Variants in STAU2 observed in about 807,000 individuals in gnomAD.
STAU2 encodes double-stranded RNA-binding protein Staufen homolog 2.
Under a neutral mutation model 65.9 loss-of-function variants are expected in STAU2, and 20 were observed. The observed-to-expected ratio is 0.30, with a 90% confidence interval of 0.21 to 0.44. The LOEUF (loss-of-function observed/expected upper bound fraction) is 0.44, where lower values mean the gene tolerates loss of function less well. STAU2 is among the 20% of genes least tolerant of loss of function. The probability of loss-of-function intolerance (pLI) is 1.00; values close to 1 mark genes in which losing one functional copy is unlikely to be tolerated. For missense variants in STAU2, 558 were observed against 683.9 expected (o/e 0.82, Z 2.05); for synonymous variants, 232 against 233.9 (o/e 0.99, Z 0.07).
intron 13 of STAU2, among the ~76,000 whole-genome samples, chr8:73,471,817 T>TAAAAA (rs569600617): frequency 0.065 from 5,656 of 86,610 alleles, 513 homozygotes; most frequent in African/African-American, 0.18. Flanking sequence ...AGACTCCAAC[T>TAAAAA]AAAAAAAAAA....
chr8:73,659,005 C>T (rs554072178), intron 6 of STAU2, among the ~76,000 whole-genome samples: 5 of 150,416 alleles, frequency 3.3e-5, no homozygotes, highest in Admixed American at 2.6e-4. Context: ...TAAAACTTCA[C>T]AAAACCTTCA....
At chr8:73,480,013 C>T (rs909702472) in intron 13 of STAU2, among the ~76,000 whole-genome samples, 1 of 151,956 alleles carries the variant, frequency 6.6e-6, no homozygotes, top group Admixed American at 6.6e-5. Flanking sequence ...TAGATGCTAG[C>T]AAAGTTTGTT....
At chr8:73,640,973 C>A (rs1469078076) in intron 6 of STAU2, among the ~76,000 whole-genome samples, 1 of 151,940 alleles carries the variant, frequency 6.6e-6, no homozygotes, top group African/African-American at 2.4e-5. Context: ...ATAAAAAAAA[C>A]AGAAAAGTGT....
intron 5 of STAU2, among the ~76,000 whole-genome samples, chr8:73,683,352 A>T (rs1261432469): frequency 6.6e-6 from 1 of 152,192 alleles, no homozygotes; most frequent in African/African-American, 2.4e-5. Context: ...AAACAGAATT[A>T]AAAACAAAAA....
At chr8:73,513,282 CT>C (rs1390561511) in intron 13 of STAU2, among the ~76,000 whole-genome samples, 2 of 151,830 alleles carry the variant, frequency 1.3e-5, no homozygotes, top group Non-Finnish European at 2.9e-5. Context: ...TTTTTTAAAA[CT>C]TATTTTTGTT....
chr8:73,543,967 G>C (rs970802467), intron 13 of STAU2, among the ~76,000 whole-genome samples: 3 of 152,152 alleles, frequency 2.0e-5, no homozygotes, highest in African/African-American at 7.2e-5. Context: ...TGTCCCACAA[G>C]CAATTCGAAT....
At chr8:73,595,396 A>G (rs1811109148) in intron 10 of STAU2, 99 bp from the exon 11 acceptor site, 8 of 1,146,934 alleles carry the variant, frequency 7.0e-6, no homozygotes, top group Non-Finnish European at 9.4e-6. Flanking sequence ...TAGCATTTGA[A>G]AACATAAAGT....
intron 13 of STAU2, among the ~76,000 whole-genome samples, chr8:73,462,483 C>A (rs1422910148): frequency 6.6e-6 from 1 of 152,042 alleles, no homozygotes; most frequent in Non-Finnish European, 1.5e-5. Flanking sequence ...GCAACCTCCC[C>A]CTCCTGAGCT....
At chr8:73,537,836 G>T (rs1428323698) in intron 13 of STAU2, among the ~76,000 whole-genome samples, 1 of 152,166 alleles carries the variant, frequency 6.6e-6, no homozygotes, top group African/African-American at 2.4e-5. Context: ...TTTGACATTT[G>T]AAGTAAACAC....
chr8:73,507,495 C>T (rs1355325941), intron 13 of STAU2, among the ~76,000 whole-genome samples: 1 of 152,204 alleles, frequency 6.6e-6, no homozygotes, highest in Non-Finnish European at 1.5e-5. Context: ...ATGCTGTAAA[C>T]AGATGAGCTG....
intron 13 of STAU2, among the ~76,000 whole-genome samples, chr8:73,428,172 T>C (rs892394651): frequency 4.6e-5 from 7 of 152,234 alleles, no homozygotes; most frequent in Non-Finnish European, 1.5e-5. Flanking sequence ...TACTCTCTGC[T>C]TCTGGGAGTT....
chr8:73,547,552 C>CACTAAAG (rs1807018967), intron 13 of STAU2, among the ~76,000 whole-genome samples: 2 of 152,150 alleles, frequency 1.3e-5, no homozygotes, highest in Admixed American at 1.3e-4. Context: ...GTGTTAATGT[C>CACTAAAG]ACTAAAGGAA....
chr8:73,654,660 A>AAAAAAAAAAAAAAAAAAAAC (rs1176341683), intron 6 of STAU2, among the ~76,000 whole-genome samples: 2 of 141,470 alleles, frequency 1.4e-5, no homozygotes, highest in East Asian at 2.0e-4. Flanking sequence ...AAAAAAAAAA[A>AAAAAAAAAAAAAAAAAAAAC]AGAACTCTTT....
At chr8:73,448,816 G>A (rs1354869656) in intron 13 of STAU2, among the ~76,000 whole-genome samples, 1 of 152,264 alleles carries the variant, frequency 6.6e-6, no homozygotes, top group Non-Finnish European at 1.5e-5. Context: ...CAGCCCTTTC[G>A]GGACGTCGCG....
chr8:73,744,087 A>G (rs541464244), intron 1 of STAU2, among the ~76,000 whole-genome samples: 137 of 152,126 alleles, frequency 9.0e-4, no homozygotes, highest in African/African-American at 3.3e-3. Flanking sequence ...TTTATTTTCT[A>G]TGATCAGCTT....
intron 6 of STAU2, among the ~76,000 whole-genome samples, chr8:73,642,536 A>C (rs1815066696): frequency 6.6e-6 from 1 of 152,108 alleles, no homozygotes; most frequent in African/African-American, 2.4e-5. Context: ...TAAAAAAAAA[A>C]AACTTTCATC....
intron 6 of STAU2, among the ~76,000 whole-genome samples, chr8:73,656,216 C>G (rs1400286779): frequency 6.6e-6 from 1 of 152,180 alleles, no homozygotes; most frequent in Admixed American, 6.5e-5. Context: ...GTTCTCAATT[C>G]TACTCTTATT....
At chr8:73,711,544 GCA>G (rs1820902958) in intron 3 of STAU2, among the ~76,000 whole-genome samples, 1 of 152,040 alleles carries the variant, frequency 6.6e-6, no homozygotes, top group Non-Finnish European at 1.5e-5. Flanking sequence ...CTGTTACAAT[GCA>G]AAACATATTA....
At chr8:73,616,975 T>G (rs1812872281) in intron 7 of STAU2, among the ~76,000 whole-genome samples, 1 of 152,212 alleles carries the variant, frequency 6.6e-6, no homozygotes, top group African/African-American at 2.4e-5. Flanking sequence ...TCTCTTCCAC[T>G]TTAAATCCTT....
Sources: allele counts gnomAD v4.1 joint callset (sites outside exome capture counted in the v4.1 genomes callset), GRCh38; gene constraint gnomAD v4.1.1; transcripts MANE v1.5; gene names NCBI Gene and HGNC (gene_info 2026-07-23, HGNC 2026-07-21).